The following NRXN1 variants were observed in gnomAD, a reference collection of about 807,000 sequenced individuals.
NRXN1 encodes the protein neurexin 1, also known as neurexin-1.
NRXN1 carries 39 observed loss-of-function variants against 150.9 expected under a neutral mutation model. The ratio of observed to expected loss-of-function variants is 0.26; its 90% CI spans 0.20 to 0.34. NRXN1 has a LOEUF of 0.34. Ranked by LOEUF, NRXN1 falls within the 10% of genes least tolerant of loss-of-function variation. The pLI is 1.00. For missense variants in NRXN1, 1,815 were observed against 1,949.9 expected (o/e 0.93, Z 1.30); for synonymous variants, 924 against 757.0 (o/e 1.22, Z -3.62).
At chr2:50,671,049 A>G (rs1056612232) in intron 5 of NRXN1, among the ~76,000 whole-genome samples, 6 of 152,018 alleles carry the variant, frequency 3.9e-5, no homozygotes, top group African/African-American at 1.4e-4. Flanking sequence ...TAATTTTAGC[A>G]TGTATCTGTG....
chr2:50,500,046 C>T (rs1318363395), intron 13 of NRXN1, among the ~76,000 whole-genome samples: 1 of 151,926 alleles, frequency 6.6e-6, no homozygotes, highest in African/African-American at 2.4e-5. Context: ...TCAGTGACCC[C>T]TACCCTGATC....
At chr2:50,522,427 C>G (rs183919655) in intron 12 of NRXN1, among the ~76,000 whole-genome samples, 1 of 152,084 alleles carries the variant, frequency 6.6e-6, no homozygotes, top group Non-Finnish European at 1.5e-5. Flanking sequence ...TAATGCTTAA[C>G]GTGAATAAAT....
chr2:50,973,370 T>C (rs529823282), intron 2 of NRXN1, among the ~76,000 whole-genome samples: 18 of 152,282 alleles, frequency 1.2e-4, no homozygotes, highest in African/African-American at 4.3e-4. Context: ...AGCCAATTGT[T>C]CAAGGGCTAA....
intron 21 of NRXN1, among the ~76,000 whole-genome samples, chr2:49,946,673 G>T (rs546528020): frequency 1.3e-5 from 2 of 151,962 alleles, no homozygotes; most frequent in Non-Finnish European, 2.9e-5. Flanking sequence ...TGTCAGGTTT[G>T]TCAAAGATCA....
intron 17 of NRXN1, among the ~76,000 whole-genome samples, chr2:50,356,593 G>C (rs1275983042): frequency 1.3e-5 from 2 of 152,112 alleles, no homozygotes; most frequent in Non-Finnish European, 2.9e-5. Flanking sequence ...ACAGGTGTTA[G>C]TAGATCCAAA....
intron 5 of NRXN1, among the ~76,000 whole-genome samples, chr2:50,852,801 T>G (rs1674702994): frequency 6.6e-6 from 1 of 152,170 alleles, no homozygotes; most frequent in Non-Finnish European, 1.5e-5. Context: ...AAATAGAAAG[T>G]ATTCATTTAA....
At chr2:50,955,533 T>C (rs1692141536) in intron 2 of NRXN1, among the ~76,000 whole-genome samples, 2 of 152,164 alleles carry the variant, frequency 1.3e-5, no homozygotes, top group Admixed American at 1.3e-4. Flanking sequence ...TATGAAAGCT[T>C]TGAAATGTTC....
At chr2:50,367,477 C>G (rs1449976117) in intron 17 of NRXN1, among the ~76,000 whole-genome samples, 1 of 151,888 alleles carries the variant, frequency 6.6e-6, no homozygotes, top group African/African-American at 2.4e-5. Flanking sequence ...ATTTATCTAG[C>G]AAATATTTAT....
chr2:50,433,987 T>C (rs1235964815), intron 17 of NRXN1, among the ~76,000 whole-genome samples: 1 of 151,722 alleles, frequency 6.6e-6, no homozygotes, highest in East Asian at 1.9e-4. Flanking sequence ...GGTTCTGACT[T>C]TCACATTAAA....
chr2:50,845,275 G>A (rs993063058), intron 5 of NRXN1, among the ~76,000 whole-genome samples: 1 of 152,142 alleles, frequency 6.6e-6, no homozygotes, highest in Non-Finnish European at 1.5e-5. Context: ...AAACCATTAT[G>A]ATAATGAGCT....
chr2:49,951,562 G>C (rs1461281471), intron 21 of NRXN1, among the ~76,000 whole-genome samples: 1 of 151,970 alleles, frequency 6.6e-6, no homozygotes, highest in Non-Finnish European at 1.5e-5. Flanking sequence ...TACTGAATGA[G>C]TGATCAACTG....
At position 50,319,017 on chromosome 2, in the gene NRXN1, A is replaced by C. The variant is rs577561662; in HGVS notation, c.3365-82047T>G. On this transcript the variant is annotated intron_variant, in intron 17 of 22. Transcript: ENST00000401669. Reference sequence around the variant, plus strand: ...CAGTTTAATAAACATAATAAGTTTAAATTAAGAAGAAAAGCTTTTCTTTTA... The same window carrying C: ...CAGTTTAATAAACATAATAAGTTTACATTAAGAAGAAAAGCTTTTCTTTTA... Among the ~76,000 whole-genome samples the C allele has an allele frequency of 9.7e-4, 148 of 152,232 alleles. 2 individuals carry two copies. The highest frequency in any genetic ancestry group is 3.2e-3 in the African/African-American group (132 of 41,548).
At chr2:50,553,166 T>C in intron 8 of NRXN1, 141 bp from the exon 9 acceptor site, 2 of 639,640 alleles carry the variant, frequency 3.1e-6, no homozygotes, top group Non-Finnish European at 5.4e-6. Flanking sequence ...GCAACATTTC[T>C]CAGGCAAATA....
At chr2:50,712,891 A>G (rs965058326) in intron 5 of NRXN1, among the ~76,000 whole-genome samples, 2 of 152,216 alleles carry the variant, frequency 1.3e-5, no homozygotes, top group African/African-American at 4.8e-5. Flanking sequence ...TAATTGCAGA[A>G]AAACTGCTCC....
At chr2:50,447,290 A>G (rs936379491) in intron 17 of NRXN1, among the ~76,000 whole-genome samples, 19 of 151,848 alleles carry the variant, frequency 1.3e-4, no homozygotes, top group African/African-American at 2.4e-5. Context: ...CCTGGCCAAC[A>G]TGGTGAAACC....
At chr2:50,560,392 G>C (rs1470187191) in intron 8 of NRXN1, among the ~76,000 whole-genome samples, 1 of 151,592 alleles carries the variant, frequency 6.6e-6, no homozygotes, top group South Asian at 2.1e-4. Context: ...TGTAGAAAAT[G>C]AACAAGCCCT....
chr2:49,942,589 A>ATATTATTATTATTATTATTATTAT (rs1553398763), intron 22 of NRXN1, among the ~76,000 whole-genome samples: 1 of 149,116 alleles, frequency 6.7e-6, no homozygotes, highest in Admixed American at 6.7e-5. Flanking sequence ...AATGCAAACA[A>ATATTATTATTATTATTATTATTAT]TATTATTATT....
intron 5 of NRXN1, among the ~76,000 whole-genome samples, chr2:50,679,575 C>T (rs1268978864): frequency 6.6e-6 from 1 of 152,114 alleles, no homozygotes; most frequent in Non-Finnish European, 1.5e-5. Context: ...TGTGATTACT[C>T]ACTATTGACA....
intron 17 of NRXN1, among the ~76,000 whole-genome samples, chr2:50,264,218 G>C (rs1485796244): frequency 6.6e-6 from 1 of 151,934 alleles, no homozygotes; most frequent in Non-Finnish European, 1.5e-5. Flanking sequence ...GAAAAACAGT[G>C]AAACAGCTCT....
Sources: allele counts gnomAD v4.1 joint callset (sites outside exome capture counted in the v4.1 genomes callset), GRCh38; gene constraint gnomAD v4.1.1; transcripts MANE v1.5; gene names NCBI Gene and HGNC (gene_info 2026-07-23, HGNC 2026-07-21).